DIP2C: variants seen among roughly 807,000 people sequenced by gnomAD.
DIP2C encodes disco-interacting protein 2 homolog C.
In DIP2C, 33 loss-of-function variants were observed where a neutral mutation model predicts 192.4. The observed-to-expected ratio is 0.17, with a 90% CI of 0.13 to 0.23. DIP2C has a LOEUF of 0.23. Ranked by LOEUF, DIP2C falls within the 10% of genes least tolerant of loss-of-function variation. The pLI, the probability that DIP2C is intolerant of heterozygous loss-of-function variation, is 1.00. For missense variants in DIP2C, 1,537 were observed against 2,110.1 expected, an observed-to-expected ratio of 0.73 and a Z score of 5.32; for synonymous variants, 979 against 864.1, an observed-to-expected ratio of 1.13 and a Z score of -2.33.
At chr10:639,400 G>A (rs1483618212) in intron 1 of DIP2C, among the ~76,000 whole-genome samples, 1 of 145,198 alleles carries the variant, frequency 6.9e-6, no homozygotes, top group Admixed American at 6.9e-5. Context: ...CAGGTCGGGA[G>A]AGTGCTGTCC....
chr10:320,495 C>T (rs574874967), intron 31 of DIP2C, among the ~76,000 whole-genome samples: 63 of 137,038 alleles, frequency 4.6e-4, no homozygotes, highest in Admixed American at 2.4e-3. Context: ...ATGACAAGAG[C>T]AAGACTCCGT....
chr10:623,140 C>G (rs749842796), intron 1 of DIP2C, among the ~76,000 whole-genome samples: 1 of 152,116 alleles, frequency 6.6e-6, no homozygotes, highest in Non-Finnish European at 1.5e-5. Flanking sequence ...ACGGAGCACG[C>G]GTGTGAAGAT....
chr10:585,058 C>T (rs571878343), intron 1 of DIP2C, among the ~76,000 whole-genome samples: 1 of 151,928 alleles, frequency 6.6e-6, no homozygotes, highest in African/African-American at 2.4e-5. Context: ...TCAGGGCCCA[C>T]GACCTGGCCC....
intron 1 of DIP2C, among the ~76,000 whole-genome samples, chr10:618,475 C>G (rs1320426371): frequency 6.6e-6 from 1 of 152,254 alleles, no homozygotes; most frequent in East Asian, 1.9e-4. Context: ...GTCGCTCGCA[C>G]TGCAGACAGA....
intron 1 of DIP2C, among the ~76,000 whole-genome samples, chr10:529,256 C>T (rs12263280): frequency 0.041 from 6,267 of 152,300 alleles, 169 homozygotes; most frequent in East Asian, 0.076. Context: ...TGGGTATTCA[C>T]GTAAAATACT....
intron 1 of DIP2C, among the ~76,000 whole-genome samples, chr10:612,756 A>C (rs531540367): frequency 6.6e-6 from 1 of 152,308 alleles, no homozygotes; most frequent in South Asian, 2.1e-4. Context: ...CCTAATTTAC[A>C]CACATGTTCA....
chr10:371,237 G>A (rs1960917481), intron 17 of DIP2C, among the ~76,000 whole-genome samples: 1 of 151,992 alleles, frequency 6.6e-6, no homozygotes, highest in Non-Finnish European at 1.5e-5. Context: ...ACAAAGATCA[G>A]CGTGGAAGTC....
At chr10:618,065 C>G (rs945148916) in intron 1 of DIP2C, among the ~76,000 whole-genome samples, 1 of 152,214 alleles carries the variant, frequency 6.6e-6, no homozygotes, top group Non-Finnish European at 1.5e-5. Flanking sequence ...TTCCAAAATA[C>G]TCTTTCAGAA....
At chr10:345,502 G>A (rs555095485) in intron 26 of DIP2C, among the ~76,000 whole-genome samples, 55 of 63,206 alleles carry the variant, frequency 8.7e-4, no homozygotes, top group Non-Finnish European at 1.7e-3. Context: ...CAGTTCTCCC[G>A]GAAACCCCAC....
intron 10 of DIP2C, among the ~76,000 whole-genome samples, chr10:396,824 G>A (rs1218820665): frequency 1.7e-5 from 1 of 58,598 alleles, no homozygotes; most frequent in African/African-American, 4.5e-5. Flanking sequence ...CTGCAAATCC[G>A]GTGGGGGGGG....
intron 32 of DIP2C, among the ~76,000 whole-genome samples, chr10:299,637 G>C (rs1743813465): frequency 6.6e-6 from 1 of 152,096 alleles, no homozygotes; most frequent in Admixed American, 6.6e-5. Context: ...AGGATAAACT[G>C]GACATCAAAA....
chr10:492,377 G>A (rs73577727), intron 1 of DIP2C, among the ~76,000 whole-genome samples: 19,529 of 152,146 alleles, frequency 0.13, 2,487 homozygotes, highest in African/African-American at 0.33. Flanking sequence ...ACCTGCACCT[G>A]CTGTGCCCAT....
intron 1 of DIP2C, among the ~76,000 whole-genome samples, chr10:575,389 T>A (rs941968836): frequency 6.6e-6 from 1 of 152,198 alleles, no homozygotes; most frequent in Non-Finnish European, 1.5e-5. Context: ...ATATGATTTC[T>A]GCCATACACG....
intron 33 of DIP2C, among the ~76,000 whole-genome samples, chr10:287,764 CAAA>C (rs907443760): frequency 6.7e-6 from 1 of 149,824 alleles, no homozygotes; most frequent in Non-Finnish European, 1.5e-5. Context: ...AAAACAGAAA[CAAA>C]AAACACACCC....
chr10:367,226 G>C (rs912506810), intron 18 of DIP2C, among the ~76,000 whole-genome samples: 1 of 152,126 alleles, frequency 6.6e-6, no homozygotes, highest in Non-Finnish European at 1.5e-5. Context: ...GACCATCCTG[G>C]CTAACATGGT....
At chr10:282,910 AC>A (rs1179154463) in intron 35 of DIP2C, among the ~76,000 whole-genome samples, 1 of 152,200 alleles carries the variant, frequency 6.6e-6, no homozygotes, top group Non-Finnish European at 1.5e-5. Context: ...TCTCAGATGG[AC>A]CCCGTGGGAG....
chr10:530,619 A>G (rs1013884601), intron 1 of DIP2C, among the ~76,000 whole-genome samples: 1 of 144,254 alleles, frequency 6.9e-6, no homozygotes, highest in African/African-American at 2.5e-5. Context: ...GGAGTTCAAG[A>G]TTAGCCTGGG....
Position 390,762 on chromosome 10 carries a change from C to T in DIP2C, c.1362G>A (p.Thr454=), listed in dbSNP as rs772255157. Reference sequence around the variant, plus strand: ...TACCTTTAAACTGTGGGATCTCTCCCGTTGGGCTTTTTGGAAGTCCTTTAT... The same window carrying T: ...TACCTTTAAACTGTGGGATCTCTCCTGTTGGGCTTTTTGGAAGTCCTTTAT... ...ACHKGLPKSP[T]GEIPQFKGWP... is the part of the protein sequence containing the mutation. Residue 454 remains threonine (T), a synonymous_variant, in exon 11 of 37, where the codon ACG becomes ACA. Coordinates refer to ENST00000280886, the MANE Select transcript of DIP2C (RefSeq NM_014974.3). The T allele has an allele frequency of 6.2e-6, 10 of 1,614,098 alleles. No homozygotes were observed. In the East Asian group the frequency reaches 8.9e-5, roughly 14 times the overall value.
At chr10:555,979 C>T (rs186897392) in intron 1 of DIP2C, among the ~76,000 whole-genome samples, 13 of 152,208 alleles carry the variant, frequency 8.5e-5, no homozygotes, top group Non-Finnish European at 1.5e-4. Flanking sequence ...GACCCTGCCC[C>T]CAACACACCT....
Sources: allele counts gnomAD v4.1 joint callset (sites outside exome capture counted in the v4.1 genomes callset), GRCh38; gene constraint gnomAD v4.1.1; transcripts MANE v1.5; gene names NCBI Gene and HGNC (gene_info 2026-07-23, HGNC 2026-07-21).